Variants in NOL4 observed in about 807,000 individuals in gnomAD.
The protein encoded by NOL4 is cancer/testis antigen 125.
In NOL4, 17 loss-of-function variants were observed where a neutral mutation model predicts 75.9. The ratio of observed to expected loss-of-function variants is 0.22; its 90% CI spans 0.15 to 0.34. The LOEUF is 0.34. NOL4 is among the 10% of genes least tolerant of loss of function. NOL4 has a pLI of 1.00. For synonymous variants in NOL4, 292 were observed against 289.9 expected (o/e 1.01, Z -0.07); for missense variants, 614 against 793.5 (o/e 0.77, Z 2.72).
At chr18:34,025,312 A>G (rs2075287724) in intron 5 of NOL4, among the ~76,000 whole-genome samples, 1 of 152,170 alleles carries the variant, frequency 6.6e-6, no homozygotes, top group Non-Finnish European at 1.5e-5. Context: ...GATAAACTTA[A>G]TTACCTTGGT....
At chr18:33,984,596 T>G (rs2072280793) in intron 6 of NOL4, among the ~76,000 whole-genome samples, 1 of 152,040 alleles carries the variant, frequency 6.6e-6, no homozygotes, top group Admixed American at 6.6e-5. Flanking sequence ...CCTCCCCTCC[T>G]CTCTCTCTTG....
chr18:33,887,030 G>A (rs1369662470), intron 9 of NOL4, among the ~76,000 whole-genome samples: 1 of 127,110 alleles, frequency 7.9e-6, no homozygotes, highest in Non-Finnish European at 1.6e-5. Flanking sequence ...TATATATCTA[G>A]ATATATTATA....
chr18:34,049,630 C>A (rs1398671037), intron 5 of NOL4, among the ~76,000 whole-genome samples: 1 of 152,050 alleles, frequency 6.6e-6, no homozygotes, highest in Non-Finnish European at 1.5e-5. Context: ...GTCATCTGAC[C>A]TGTCCTCTTT....
chr18:34,168,105 T>G (rs981094565), intron 1 of NOL4, among the ~76,000 whole-genome samples: 4 of 151,916 alleles, frequency 2.6e-5, no homozygotes, highest in Non-Finnish European at 4.4e-5. Flanking sequence ...AATCATGAAT[T>G]CAGAAATTTA....
chr18:33,954,516 AC>A (rs1465120663), intron 8 of NOL4, among the ~76,000 whole-genome samples: 1 of 150,008 alleles, frequency 6.7e-6, no homozygotes, highest in East Asian at 1.9e-4. Context: ...AAGAGATGTA[AC>A]TTTTTTTGAT....
At chr18:33,983,570 T>C (rs1163740183) in intron 6 of NOL4, among the ~76,000 whole-genome samples, 1 of 151,240 alleles carries the variant, frequency 6.6e-6, no homozygotes, top group Non-Finnish European at 1.5e-5. Flanking sequence ...TGTATGTGTA[T>C]GTATAAATAT....
chr18:34,029,602 T>C (rs2075531617), intron 5 of NOL4, among the ~76,000 whole-genome samples: 1 of 152,148 alleles, frequency 6.6e-6, no homozygotes, highest in African/African-American at 2.4e-5. Flanking sequence ...ACCATGTACC[T>C]TTCCAGGCTA....
In NOL4 at chr18:34,063,909, TA is replaced by T. The variant is rs1476868218; in HGVS notation, c.772+29555del. 4.6e-5 allele frequency among the ~76,000 whole-genome samples: 7 copies of T among 152,166 alleles called. No individual in the cohort carries two copies. The East Asian group carries it at 1.4e-3, about 29-fold the overall frequency. ...TTAAAAGAACACATCCTAGGAGTTC[TA>T]CAAAAGTGCTTTTATTATGATTACA... On this transcript the variant is annotated intron_variant, in intron 5 of 10. Transcript: ENST00000261592.
In NOL4 at chr18:34,186,842, A is replaced by T. The variant is rs550716431; in HGVS notation, c.264+36148T>A. 2.6e-5 allele frequency among the ~76,000 whole-genome samples: 4 copies of T among 152,344 alleles called. No individual in the cohort carries two copies. The South Asian group carries it at 8.3e-4, about 32-fold the overall frequency. Reference sequence around the variant, plus strand: ...TTGAAGCTTTTTTAAAAAAACAACAACAACAACTTTATTTTTAGTGAAGTT... The same window carrying T: ...TTGAAGCTTTTTTAAAAAAACAACATCAACAACTTTATTTTTAGTGAAGTT... On this transcript the variant is annotated intron_variant, in intron 1 of 10. Coordinates refer to ENST00000261592, the MANE Select transcript of NOL4 (RefSeq NM_003787.5).
intron 7 of NOL4, 23 bp downstream of exon 7, chr18:33,958,216 A>G: frequency 6.2e-7 from 1 of 1,601,636 alleles, no homozygotes; most frequent in Non-Finnish European, 8.5e-7. Flanking sequence ...ATTAAACCAC[A>G]CTTGGAGTGT....
chr18:33,897,753 CTAAAA>C (rs1216700339), intron 9 of NOL4, among the ~76,000 whole-genome samples: 1 of 152,104 alleles, frequency 6.6e-6, no homozygotes, highest in East Asian at 1.9e-4. Context: ...ACCTCCAAAC[CTAAAA>C]TAAAAGTTAA....
At chr18:34,222,270 T>G (rs1482382615) in intron 1 of NOL4, 18 of 1,347,450 alleles carry the variant, frequency 1.3e-5, no homozygotes, top group Non-Finnish European at 1.1e-5. Flanking sequence ...CGATAGCGCC[T>G]AAACCCATCT....
intron 8 of NOL4, among the ~76,000 whole-genome samples, chr18:33,953,549 G>C (rs1052015873): frequency 6.6e-6 from 1 of 152,084 alleles, no homozygotes; most frequent in Non-Finnish European, 1.5e-5. Flanking sequence ...TCATTAAGTG[G>C]TAGGATACAA....
intron 10 of NOL4, among the ~76,000 whole-genome samples, chr18:33,857,180 A>C (rs1397879931): frequency 6.6e-6 from 1 of 152,050 alleles, no homozygotes; most frequent in African/African-American, 2.4e-5. Context: ...TTAAACTGGA[A>C]GCTCCTCAAC....
chr18:34,051,781 T>A (rs2144983047), intron 5 of NOL4, among the ~76,000 whole-genome samples: 1 of 152,172 alleles, frequency 6.6e-6, no homozygotes, highest in South Asian at 2.1e-4. Flanking sequence ...TGCTAGTGTG[T>A]GAGAGAGTGT....
intron 10 of NOL4, among the ~76,000 whole-genome samples, chr18:33,878,289 G>T (rs1393887676): frequency 6.6e-6 from 1 of 152,032 alleles, no homozygotes; most frequent in Non-Finnish European, 1.5e-5. Context: ...CTTTCAAAGT[G>T]TTCTCACTTG....
intron 5 of NOL4, among the ~76,000 whole-genome samples, chr18:34,078,298 C>T (rs2077839243): frequency 6.6e-6 from 1 of 152,142 alleles, no homozygotes; most frequent in Admixed American, 6.6e-5. Context: ...TAAATTGTGT[C>T]TGAAGTGAAG....
At chr18:33,986,954 A>T (rs941113874) in intron 6 of NOL4, among the ~76,000 whole-genome samples, 1 of 152,100 alleles carries the variant, frequency 6.6e-6, no homozygotes, top group African/African-American at 2.4e-5. Flanking sequence ...CTGATCTGAC[A>T]TTCTGAAAAA....
chr18:33,998,833 T>C (rs1363219751), intron 6 of NOL4, among the ~76,000 whole-genome samples: 1 of 152,104 alleles, frequency 6.6e-6, no homozygotes, highest in Non-Finnish European at 1.5e-5. Flanking sequence ...AGTACATAGA[T>C]GGCCCTTGAA....
Sources: allele counts gnomAD v4.1 joint callset (sites outside exome capture counted in the v4.1 genomes callset), GRCh38; gene constraint gnomAD v4.1.1; transcripts MANE v1.5; gene names NCBI Gene and HGNC (gene_info 2026-07-23, HGNC 2026-07-21).